Variants in YWHAE observed in about 807,000 individuals in gnomAD.
YWHAE encodes tyrosine 3-monooxygenase/tryptophan 5-monooxygenase activation protein epsilon.
In YWHAE, 4 loss-of-function variants were observed where a neutral mutation model predicts 30.1. The ratio of observed to expected loss-of-function variants is 0.13; its 90% confidence interval spans 0.07 to 0.30. YWHAE has a LOEUF of 0.30. Among genes scored for constraint, YWHAE ranks in the 10% least tolerant of loss-of-function variants. The probability of loss-of-function intolerance (pLI) is 1.00; values close to 1 mark genes in which losing one functional copy is unlikely to be tolerated. For missense variants in YWHAE, 121 were observed against 315.9 expected (o/e 0.38, Z 4.68); for synonymous variants, 118 against 111.8 (o/e 1.06, Z -0.35).
chr17:1,384,740 T>C (rs1384569710), intron 1 of YWHAE, among the ~76,000 whole-genome samples: 2 of 151,934 alleles, frequency 1.3e-5, no homozygotes, highest in African/African-American at 2.4e-5. Flanking sequence ...AGTTTTTCTC[T>C]TGTTGCTCAG....
intron 1 of YWHAE, among the ~76,000 whole-genome samples, chr17:1,370,252 G>T (rs947833723): frequency 3.6e-5 from 5 of 138,426 alleles, no homozygotes; most frequent in African/African-American, 1.1e-4. Flanking sequence ...TCAGCCTCCC[G>T]AGTAGCTGGG....
intron 5 of YWHAE, among the ~76,000 whole-genome samples, chr17:1,348,350 A>C (rs2072560965): frequency 6.6e-6 from 1 of 152,200 alleles, no homozygotes; most frequent in South Asian, 2.1e-4. Flanking sequence ...TCCTCTTACC[A>C]CAGGGTGAAG....
chr17:1,375,974 G>A (rs184156541), intron 1 of YWHAE, among the ~76,000 whole-genome samples: 5 of 152,266 alleles, frequency 3.3e-5, no homozygotes, highest in Non-Finnish European at 5.9e-5. Flanking sequence ...CAAATGCTTC[G>A]CTGTATTAAT....
chr17:1,372,861 G>A (rs992436062), intron 1 of YWHAE, among the ~76,000 whole-genome samples: 7 of 152,132 alleles, frequency 4.6e-5, no homozygotes, highest in Non-Finnish European at 1.0e-4. Flanking sequence ...GCCGAGGCAG[G>A]AGGATTGCTG....
chr17:1,355,110 ATTT>A (rs768382736), intron 4 of YWHAE, among the ~76,000 whole-genome samples: 1 of 15,402 alleles, frequency 6.5e-5, no homozygotes, highest in African/African-American at 4.5e-4. Context: ...CACCCCCAAG[ATTT>A]TTTAAAAAAA....
chr17:1,348,084 G>A (rs1335027963), intron 5 of YWHAE: 13 of 777,566 alleles, frequency 1.7e-5, no homozygotes, highest in Admixed American at 1.2e-4. Flanking sequence ...CAACAGAGCA[G>A]GACAAAGGAA....
At chr17:1,368,499 G>C (rs547676147) in intron 1 of YWHAE, among the ~76,000 whole-genome samples, 39 of 151,978 alleles carry the variant, frequency 2.6e-4, no homozygotes, top group South Asian at 6.2e-4. Flanking sequence ...CGGAGACAGG[G>C]GTTGCACTGA....
intron 1 of YWHAE, among the ~76,000 whole-genome samples, chr17:1,385,506 C>A (rs772980963): frequency 1.3e-5 from 2 of 152,176 alleles, no homozygotes; most frequent in East Asian, 1.9e-4. Context: ...TGGTCCCCAA[C>A]CTTTGTGGCA....
chr17:1,394,477 G>A (rs116831507), intron 1 of YWHAE, among the ~76,000 whole-genome samples: 4 of 141,564 alleles, frequency 2.8e-5, no homozygotes, highest in Non-Finnish European at 4.4e-5. Context: ...AAATTAGGCC[G>A]GTGCAACAGT....
intron 2 of YWHAE, among the ~76,000 whole-genome samples, chr17:1,364,401 T>C (rs930503949): frequency 6.6e-6 from 1 of 152,110 alleles, no homozygotes; most frequent in Non-Finnish European, 1.5e-5. Context: ...TAATGTTTTG[T>C]ATTTTTAGTA....
At position 1,376,251 on chromosome 17, in the gene YWHAE, CA is replaced by C. The variant is rs2073119808; in HGVS notation, c.65-11194del. On this transcript the variant is annotated intron_variant, in intron 1 of 5. Transcript: ENST00000264335. ...AAATAACTGGTTTCAGTGACTCTAC[CA>C]GAGAAACAAGTTTCACATACTAAAA... 4.6e-5 allele frequency among the ~76,000 whole-genome samples: 7 copies of C among 152,214 alleles called. No individual in the cohort carries two copies. In the South Asian group the frequency reaches 1.4e-3, roughly 32 times the overall value.
At chr17:1,367,612 G>A (rs977053151) in intron 1 of YWHAE, among the ~76,000 whole-genome samples, 4 of 152,126 alleles carry the variant, frequency 2.6e-5, no homozygotes, top group African/African-American at 4.8e-5. Flanking sequence ...TAATCCTAAC[G>A]CTGTACTCCA....
intron 1 of YWHAE, among the ~76,000 whole-genome samples, chr17:1,368,941 C>T (rs9895157): frequency 0.74 from 111,873 of 152,142 alleles, 42,533 homozygotes; most frequent in African/African-American, 0.93. Context: ...TCTCGAATAT[C>T]ATTCCTTATG....
chr17:1,361,703 A>C, intron 3 of YWHAE, 199 bp downstream of exon 3: 1 of 507,628 alleles, frequency 2.0e-6, no homozygotes, highest in Non-Finnish European at 3.5e-6. Context: ...TAGGTCTCAC[A>C]AAAACAAAAG....
chr17:1,379,341 C>T (rs1378703200), intron 1 of YWHAE, among the ~76,000 whole-genome samples: 2 of 151,686 alleles, frequency 1.3e-5, no homozygotes, highest in Non-Finnish European at 2.9e-5. Context: ...AAAAATTAGC[C>T]GGGCGTGGTG....
At chr17:1,355,664 GA>G (rs1010906609) in intron 4 of YWHAE, among the ~76,000 whole-genome samples, 1 of 151,656 alleles carries the variant, frequency 6.6e-6, no homozygotes, top group African/African-American at 2.4e-5. Flanking sequence ...TATACCAATA[GA>G]AAAAAAAGAG....
chr17:1,394,008 T>A (rs2073427025), intron 1 of YWHAE, among the ~76,000 whole-genome samples: 1 of 152,084 alleles, frequency 6.6e-6, no homozygotes, highest in Non-Finnish European at 1.5e-5. Flanking sequence ...ATTAGAATTG[T>A]TAAAGAACAA....
chr17:1,394,460 A>AAAAAAAAAAAAAAAACC (rs1555647412), intron 1 of YWHAE, among the ~76,000 whole-genome samples: 2 of 137,630 alleles, frequency 1.5e-5, no homozygotes, highest in African/African-American at 5.7e-5. Flanking sequence ...AAAAAAAAAA[A>AAAAAAAAAAAAAAAACC]ACACAAAAAT....
intron 1 of YWHAE, among the ~76,000 whole-genome samples, chr17:1,376,750 C>A (rs2073130757): frequency 1.3e-5 from 2 of 152,104 alleles, no homozygotes; most frequent in Non-Finnish European, 2.9e-5. Flanking sequence ...ATAAAAGGAG[C>A]AGGTCTCCAA....
Sources: gnomAD v4.1 joint callset for allele counts (sites outside exome capture counted in the v4.1 genomes callset) on GRCh38, gnomAD v4.1.1 for gene constraint, MANE v1.5 for transcripts, NCBI Gene and HGNC (gene_info 2026-07-23, HGNC 2026-07-21) for gene names.